Variants in NAALADL2 observed in about 807,000 individuals in gnomAD.
NAALADL2 encodes the protein inactive N-acetylated-alpha-linked acidic dipeptidase-like protein 2.
A neutral mutation model predicts 87.2 loss-of-function variants in NAALADL2; 76 were observed. The ratio of observed to expected loss-of-function variants is 0.87; its 90% confidence interval spans 0.72 to 1.05. The LOEUF (loss-of-function observed/expected upper bound fraction) is 1.05, where lower values mean the gene tolerates loss of function less well. Among genes scored for constraint, NAALADL2 ranks in the 50% least tolerant of loss-of-function variants. NAALADL2 has a pLI of 0.00. For synonymous variants in NAALADL2, 354 were observed against 331.0 expected, an observed-to-expected ratio of 1.07 and a Z score of -0.75; for missense variants, 1,089 against 945.8, an observed-to-expected ratio of 1.15 and a Z score of -1.99.
At chr3:175,041,154 CTAGATCTGG>C in intron 1 of NAALADL2, among the ~76,000 whole-genome samples, 1 of 152,070 alleles carries the variant, frequency 6.6e-6, no homozygotes, top group Non-Finnish European at 1.5e-5. Context: ...GCTATGTTTT[CTAGATCTGG>C]TGTCTGGAGT....
rs112805898 is a variant in NAALADL2, at chr3:174,481,731, A to G, written c.-184+40699A>G. Among the ~76,000 whole-genome samples the G allele has an allele frequency of 5.3e-3, 810 of 152,228 alleles. 6 individuals are homozygous for G. The highest frequency in any genetic ancestry group is 0.04 in the East Asian group (208 of 5,166). Reference sequence around the variant, plus strand: ...GTACATGGAACAATGATTGGGAGAAACCCAGTGCAAGTTTCCAAGAGTCTT... The same window carrying G: ...GTACATGGAACAATGATTGGGAGAAGCCCAGTGCAAGTTTCCAAGAGTCTT... On this transcript the variant is annotated intron_variant, in intron 1 of 3. Coordinates refer to the NAALADL2 transcript ENST00000434257.
chr3:175,048,402 T>C (rs1417044655), intron 1 of NAALADL2, among the ~76,000 whole-genome samples: 1 of 152,170 alleles, frequency 6.6e-6, no homozygotes, highest in East Asian at 1.9e-4. Flanking sequence ...TTTTCTTGTG[T>C]TGTGATGACA....
intron 5 of NAALADL2, among the ~76,000 whole-genome samples, chr3:175,433,134 G>T (rs1380820120): frequency 6.6e-6 from 1 of 152,088 alleles, no homozygotes; most frequent in South Asian, 2.1e-4. Context: ...TCCATCCCAA[G>T]CCACAAATAT....
intron 11 of NAALADL2, among the ~76,000 whole-genome samples, chr3:175,665,845 C>T (rs1732892186): frequency 1.3e-5 from 2 of 152,094 alleles, no homozygotes; most frequent in African/African-American, 2.4e-5. Flanking sequence ...GCAGGAGAAT[C>T]GCTTAAACCC....
At chr3:175,675,308 T>C in intron 11 of NAALADL2, 1 of 152,384 alleles carries the variant, frequency 6.6e-6, no homozygotes. Flanking sequence ...CATATGACCA[T>C]TCTGAGTTTT....
At chr3:175,118,975 T>C (rs1725713823) in intron 2 of NAALADL2, among the ~76,000 whole-genome samples, 1 of 151,782 alleles carries the variant, frequency 6.6e-6, no homozygotes, top group Non-Finnish European at 1.5e-5. Context: ...TTGCCTATTA[T>C]AACATGTGAG....
chr3:175,456,693 C>T (rs533867540), intron 6 of NAALADL2, among the ~76,000 whole-genome samples: 12 of 152,152 alleles, frequency 7.9e-5, no homozygotes, highest in Non-Finnish European at 1.3e-4. Context: ...TGACATACTC[C>T]TACACAGATG....
At chr3:174,954,928 T>C (rs1156945625) in intron 1 of NAALADL2, among the ~76,000 whole-genome samples, 1 of 152,110 alleles carries the variant, frequency 6.6e-6, no homozygotes, top group South Asian at 2.1e-4. Flanking sequence ...GCAGTTTTAA[T>C]TGTGGTTAGT....
At chr3:175,003,218 G>A (rs894022919) in intron 1 of NAALADL2, among the ~76,000 whole-genome samples, 1 of 152,132 alleles carries the variant, frequency 6.6e-6, no homozygotes, top group Non-Finnish European at 1.5e-5. Context: ...TATACTTACA[G>A]CAGTAAGAGT....
intron 5 of NAALADL2, among the ~76,000 whole-genome samples, chr3:175,381,178 A>G (rs1035971468): frequency 6.6e-6 from 1 of 151,650 alleles, no homozygotes; most frequent in African/African-American, 2.4e-5. Flanking sequence ...TTCTACAGTT[A>G]TTATGGCTGA....
At chr3:175,239,629 G>A (rs10936832) in intron 3 of NAALADL2, among the ~76,000 whole-genome samples, 66,747 of 151,990 alleles carry the variant, frequency 0.44, 15,944 homozygotes, top group Non-Finnish European at 0.54. Flanking sequence ...GATAAGCCAA[G>A]TAATGCAGTT....
intron 3 of NAALADL2, among the ~76,000 whole-genome samples, chr3:174,787,221 C>T (rs1001433407): frequency 6.6e-6 from 1 of 151,594 alleles, no homozygotes; most frequent in Non-Finnish European, 1.5e-5. Context: ...TTTTGTTATT[C>T]GTCTCTTCAA....
chr3:175,397,408 G>C (rs181698339), intron 5 of NAALADL2: 184 of 152,060 alleles, frequency 1.2e-3, no homozygotes, highest in African/African-American at 4.3e-3. Context: ...GGAGTGAAGT[G>C]GGGCACAGGT....
At chr3:174,667,837 A>T (rs1050686520) in intron 2 of NAALADL2, among the ~76,000 whole-genome samples, 3 of 152,086 alleles carry the variant, frequency 2.0e-5, no homozygotes, top group Non-Finnish European at 2.9e-5. Context: ...AAAGAAGAGA[A>T]AATAACAATG....
intron 4 of NAALADL2, among the ~76,000 whole-genome samples, chr3:175,293,566 C>T (rs887778924): frequency 1.3e-5 from 2 of 152,082 alleles, no homozygotes; most frequent in Non-Finnish European, 2.9e-5. Flanking sequence ...AATGCTAACT[C>T]TCAAGATGAT....
intron 10 of NAALADL2, among the ~76,000 whole-genome samples, chr3:175,580,828 G>C (rs1020870939): frequency 6.6e-6 from 1 of 151,964 alleles, no homozygotes; most frequent in African/African-American, 2.4e-5. Context: ...GCTTCATTTA[G>C]TGCTGGGGTT....
At chr3:174,996,132 CA>C (rs2108740307) in intron 1 of NAALADL2, among the ~76,000 whole-genome samples, 1 of 152,268 alleles carries the variant, frequency 6.6e-6, no homozygotes, top group Non-Finnish European at 1.5e-5. Flanking sequence ...ATGTTGTATA[CA>C]AATATAACAT....
chr3:174,779,775 ATGGT>A (rs986483465), intron 3 of NAALADL2, among the ~76,000 whole-genome samples: 7 of 152,102 alleles, frequency 4.6e-5, no homozygotes, highest in African/African-American at 7.2e-5. Context: ...CAAAGATCAG[ATGGT>A]TGTAGATGTG....
intron 11 of NAALADL2, among the ~76,000 whole-genome samples, chr3:175,718,072 T>C (rs1741605370): frequency 6.6e-6 from 1 of 151,832 alleles, no homozygotes; most frequent in Admixed American, 6.6e-5. Context: ...TTAAGATAAA[T>C]TTCCTTTGAA....
Sources: allele counts gnomAD v4.1 joint callset (sites outside exome capture counted in the v4.1 genomes callset), GRCh38; gene constraint gnomAD v4.1.1; transcripts MANE v1.5; gene names NCBI Gene and HGNC (gene_info 2026-07-23, HGNC 2026-07-21).